The following TXNDC12 variants were observed in gnomAD, a reference collection of about 807,000 sequenced individuals.
TXNDC12 encodes the protein thioredoxin domain containing 12, also known as thioredoxin domain-containing protein 12.
Under a neutral mutation model 24.2 loss-of-function variants are expected in TXNDC12, and 22 were observed. The ratio of observed to expected loss-of-function variants is 0.91; its 90% CI spans 0.65 to 1.30. The LOEUF is 1.30. Ranked by LOEUF, TXNDC12 falls within the 50% of genes most tolerant of loss-of-function variation. The probability of loss-of-function intolerance (pLI) is 0.00; values close to 1 mark genes in which losing one functional copy is unlikely to be tolerated. For missense variants in TXNDC12, 184 were observed against 205.8 expected (o/e 0.89, Z 0.65); for synonymous variants, 58 against 73.4 (o/e 0.79, Z 1.07).
At chr1:52,027,451 T>A (rs1685686634) in intron 3 of TXNDC12, 103 bp from the exon 4 acceptor site, 4 of 912,090 alleles carry the variant, frequency 4.4e-6, no homozygotes. Context: ...TTTAGGCATT[T>A]GTTTAGTTGA....
chr1:52,046,866 A>AAAAAATATAT (rs1229275355), intron 1 of TXNDC12, among the ~76,000 whole-genome samples: 62 of 30,160 alleles, frequency 2.1e-3, no homozygotes, highest in African/African-American at 3.2e-3. Context: ...AAAAAAAAAA[A>AAAAAATATAT]ATATATATAT....
At chr1:52,037,532 C>G (rs1053144298) in intron 2 of TXNDC12, among the ~76,000 whole-genome samples, 2 of 152,000 alleles carry the variant, frequency 1.3e-5, no homozygotes, top group Non-Finnish European at 2.9e-5. Context: ...TTTTAATTTG[C>G]CTTTGGTGCT....
rs575661880 is a variant in TXNDC12 at position 52,044,956 on chromosome 1, C to G, written c.98-3359G>C. Among the ~76,000 whole-genome samples the G allele has an allele frequency of 4.0e-4, 59 of 147,478 alleles. 1 individual carries two copies. The highest frequency in any genetic ancestry group is 1.5e-3 in the African/African-American group (59 of 39,710). On this transcript the variant is annotated intron_variant, in intron 1 of 6. Transcript: ENST00000371626. The stretch of plus-strand genomic sequence containing the variant: ...CGCCACCACACTCCAGCCTGGGTGA[C>G]AGAGCAAGACTCTGTCTCAAAAAAA...
In TXNDC12 at chr1:52,020,837, G is replaced by T; in HGVS notation, c.*96C>A. On this transcript the variant is annotated 3_prime_UTR_variant, in exon 7 of 7. Transcript: ENST00000371626. ...GTGTAGGTAGGAATGAGGTTTCCTG[G>T]TCGGCTTAATTGTTCTAGATGATTC... The T allele has an allele frequency of 9.7e-7, 1 of 1,030,126 alleles. No individual in the cohort carries two copies. The highest frequency in any genetic ancestry group is 1.5e-6 in the Non-Finnish European group (1 of 678,896). The allele number at this position is 1,030,126 out of a possible 1,614,324, so 63.8% of individuals were successfully genotyped here.
At chr1:52,029,025 G>A (rs977617005) in intron 2 of TXNDC12, among the ~76,000 whole-genome samples, 1 of 152,170 alleles carries the variant, frequency 6.6e-6, no homozygotes, top group African/African-American at 2.4e-5. Context: ...CTACTGGGGT[G>A]GCTGAAATAT....
At chr1:52,050,424 A>G (rs1193137486) in intron 1 of TXNDC12, among the ~76,000 whole-genome samples, 2 of 152,190 alleles carry the variant, frequency 1.3e-5, no homozygotes, top group African/African-American at 2.4e-5. Flanking sequence ...CTCTTACCCT[A>G]TAACATTAAT....
intron 2 of TXNDC12, chr1:52,032,943 C>T (rs774872195): frequency 6.3e-6 from 10 of 1,597,946 alleles, no homozygotes; most frequent in Non-Finnish European, 6.8e-6. Flanking sequence ...CCTGGTCCAA[C>T]TGGTGCAGAA....
intron 2 of TXNDC12, 117 bp downstream of exon 2, chr1:52,041,417 AATT>A: frequency 1.8e-6 from 1 of 561,418 alleles, no homozygotes; most frequent in Admixed American, 3.0e-5. Context: ...CTGTTGTTGT[AATT>A]AGGCAACTAT....
At chr1:52,054,887 C>G in intron 1 of TXNDC12, 113 bp downstream of exon 1, 1 of 743,398 alleles carries the variant, frequency 1.3e-6, no homozygotes, top group East Asian at 2.7e-5. Flanking sequence ...AAAAAGAAAT[C>G]TGGAGTGGCC....
intron 2 of TXNDC12, chr1:52,033,738 C>T: frequency 6.2e-7 from 1 of 1,604,244 alleles, no homozygotes; most frequent in Non-Finnish European, 8.5e-7. Flanking sequence ...TGTACGGCAG[C>T]CCGCAAAACA....
intron 2 of TXNDC12, among the ~76,000 whole-genome samples, chr1:52,038,620 T>G (rs976886267): frequency 2.0e-5 from 3 of 152,178 alleles, no homozygotes; most frequent in Non-Finnish European, 4.4e-5. Flanking sequence ...TCTTGACATT[T>G]TTTAAGCCAA....
intron 1 of TXNDC12, among the ~76,000 whole-genome samples, chr1:52,043,271 G>A (rs749500032): frequency 1.3e-5 from 2 of 152,190 alleles, no homozygotes; most frequent in Non-Finnish European, 2.9e-5. Context: ...ACTTGTAAAT[G>A]TTTATGTGTC....
chr1:52,033,168 A>G lies in TXNDC12; in HGVS notation c.159-4538T>C. 5 of 1,614,228 alleles carry G rather than the reference A, an allele frequency of 3.1e-6. No individual in the cohort carries two copies. In the South Asian group the frequency reaches 4.4e-5, roughly 14 times the overall value. ...CGGGAGAGTAAAAGGCACCGGACCC[A>G]TGCTTTGCAGATTTCTCTGAATCCG... On this transcript the variant is annotated intron_variant, in intron 2 of 6. Transcript: ENST00000371626.
chr1:52,022,617 C>A (rs564522624), intron 6 of TXNDC12, among the ~76,000 whole-genome samples: 2 of 148,110 alleles, frequency 1.4e-5, no homozygotes, highest in Non-Finnish European at 3.0e-5. Flanking sequence ...GGTCCGTTTA[C>A]GTTTCGGGGT....
At chr1:52,055,202 C>T (rs921728398), upstream of TXNDC12, 3 of 743,836 alleles carry the variant, frequency 4.0e-6, no homozygotes, top group Non-Finnish European at 6.9e-6. Flanking sequence ...ACCTCTACTT[C>T]CCAGATTTTT....
chr1:52,024,587 G>T lies in TXNDC12; in HGVS notation c.286-8C>A. 1 of 1,602,194 alleles carries T rather than the reference G, an allele frequency of 6.2e-7. No homozygotes were observed. Among genetic ancestry groups the T allele is most frequent in the East Asian group, 2.2e-5 (1 of 44,468 alleles). On this transcript the variant is annotated splice_region_variant and splice_polypyrimidine_tract_variant and intron_variant, in intron 4 of 6. Transcript: ENST00000371626. The stretch of plus-strand genomic sequence containing the variant: ...TTTGGGTTCCTCTTCATCCTATTAA[G>T]ATTAAATGTAAACCTTAAGTCAGAT...
chr1:52,051,580 T>C (rs1686206967), intron 1 of TXNDC12, among the ~76,000 whole-genome samples: 1 of 152,192 alleles, frequency 6.6e-6, no homozygotes, highest in Non-Finnish European at 1.5e-5. Flanking sequence ...GGTTTCGCCA[T>C]GTTGGCCAGG....
At chr1:52,032,643 G>T in intron 2 of TXNDC12, 1 of 1,534,924 alleles carries the variant, frequency 6.5e-7, no homozygotes, top group South Asian at 1.3e-5. Flanking sequence ...TTTTCCCAGA[G>T]AAATAAAGTG....
chr1:52,055,089 G>A lies in TXNDC12; in HGVS notation c.8C>T (p.Thr3Met), dbSNP rs779769769. Residue 3 changes from threonine to methionine, a missense_variant, in exon 1 of 7, where the codon ACG becomes ATG. Physicochemically the swap from Thr to Met is moderately conservative, Grantham distance 81 (BLOSUM62 -1). Transcript: ENST00000371626. ...ACAGGTGGCCCCGAGACGAGGCCGC[G>A]TCTCCATGGCAGTAGGTGCGCGGGG... METRPRLGATCLL... is the reference protein window; with the variant it reads MEMRPRLGATCLL... 8.7e-6 allele frequency: 14 copies of A among 1,613,554 alleles called. No individual in the cohort carries two copies. The South Asian group carries it at 1.3e-4, about 15-fold the overall frequency.
Sources: gnomAD v4.1 joint callset for allele counts (sites outside exome capture counted in the v4.1 genomes callset) on GRCh38, gnomAD v4.1.1 for gene constraint, MANE v1.5 for transcripts, NCBI Gene and HGNC (gene_info 2026-07-23, HGNC 2026-07-21) for gene names.